Variants in SMCO1 observed in about 807,000 individuals in gnomAD.
The protein encoded by SMCO1 is single-pass membrane protein with coiled-coil domains 1.
A neutral mutation model predicts 7.5 loss-of-function variants in SMCO1; 9 were observed. The observed-to-expected ratio is 1.20, with a 90% confidence interval of 0.72 to 2.09. SMCO1 has a LOEUF of 2.09. SMCO1 is among the 30% of genes most tolerant of loss of function. The pLI, the probability that SMCO1 is intolerant of heterozygous loss-of-function variation, is 0.00. For synonymous variants in SMCO1, 90 were observed against 93.8 expected, an observed-to-expected ratio of 0.96 and a Z score of 0.23; for missense variants, 219 against 253.1, an observed-to-expected ratio of 0.87 and a Z score of 0.91.
chr3:196,516,962 G>A (rs1377300727), upstream of SMCO1, among the ~76,000 whole-genome samples: 1 of 151,918 alleles, frequency 6.6e-6, no homozygotes, highest in Non-Finnish European at 1.5e-5. Context: ...AGCTGGGCAT[G>A]GTGGCACACA....
chr3:196,508,218 A>G lies in SMCO1; in HGVS notation c.314T>C (p.Leu105Ser), dbSNP rs1397448382. The G allele has an allele frequency of 6.2e-6, 10 of 1,614,036 alleles. No individual in the cohort carries two copies. The highest frequency in any genetic ancestry group is 7.6e-6 in the Non-Finnish European group (9 of 1,180,050). ...LPDLVRGLPT[L>S]ASVLRRKVKN... is the part of the protein sequence containing the mutation. ...AACTTTTCTTCTGAGTACAGAGGCT[A>G]AGGTTGGAAGACCTCTCACCAGGTC... The change falls in exon 3 of 3, where the codon TTA becomes TCA. Residue 105 changes from leucine to serine, a missense_variant. By Grantham distance (145) the Leu-to-Ser change is moderately radical. Coordinates refer to ENST00000397537, the MANE Select transcript of SMCO1 (RefSeq NM_001077657.3).
chr3:196,519,756 C>G (rs1733460007), upstream of SMCO1, among the ~76,000 whole-genome samples: 2 of 150,930 alleles, frequency 1.3e-5, no homozygotes, highest in African/African-American at 4.8e-5. Flanking sequence ...GCACACAGAT[C>G]ACACAAGTCT....
At chr3:196,508,416 A>G (rs2108660444) in intron 2 of SMCO1, 85 bp from the exon 3 acceptor site, 1 of 1,125,158 alleles carries the variant, frequency 8.9e-7, no homozygotes, top group Non-Finnish European at 1.2e-6. Flanking sequence ...ATAACTCAAT[A>G]TGAACCCACT....
Position 196,507,952 on chromosome 3 carries a change from C to T in SMCO1, c.580G>A (p.Ala194Thr), listed in dbSNP as rs1273426832. 6.2e-7 allele frequency: 1 copy of T among 1,614,176 alleles called. No homozygotes were observed. Among genetic ancestry groups the T allele is most frequent in the Non-Finnish European group, 8.5e-7 (1 of 1,180,040 alleles). The change falls in exon 3 of 3, where the codon GCA becomes ACA. Residue 194 changes from alanine to threonine, a missense_variant. Transcript: ENST00000397537. Reference sequence around the variant, plus strand: ...TTTTGCTTTTCAGGGGTCCTAACTGCTTTCCCCTTCTCAATTACCTGCACA... The same window carrying T: ...TTTTGCTTTTCAGGGGTCCTAACTGTTTTCCCCTTCTCAATTACCTGCACA... ...RAVQVIEKGK[A>T]VRTPEKQKSS...
At chr3:196,509,369 A>C in intron 2 of SMCO1, 151 bp downstream of exon 2, 1 of 769,316 alleles carries the variant, frequency 1.3e-6, no homozygotes, top group Non-Finnish European at 2.0e-6. Context: ...CGGCCAAATT[A>C]ATCTTTTTTT....
At chr3:196,516,065 A>AAT (rs1352485478), upstream of SMCO1, among the ~76,000 whole-genome samples, 1 of 136,992 alleles carries the variant, frequency 7.3e-6, no homozygotes. Flanking sequence ...AATTATATAT[A>AAT]ATATATAATT....
chr3:196,509,623 C>A lies in SMCO1; in HGVS notation c.97G>T (p.Asp33Tyr). 6.2e-7 allele frequency: 1 copy of A among 1,614,088 alleles called. No individual in the cohort carries two copies. The highest frequency in any genetic ancestry group is 8.5e-7 in the Non-Finnish European group (1 of 1,179,984). ...TGCATCAGGTTATCCTTGGTGAAGT[C>A]TAGTTCTTTGAACTGTGTTTCTAAC... ...QALETQFKEL[D>Y]FTKDNLMQKF... The change falls in exon 2 of 3, where the codon GAC becomes TAC. Residue 33 changes from aspartate to tyrosine, a missense_variant. Asp to Tyr is a radical substitution (Grantham distance 160). Transcript: ENST00000397537.
At chr3:196,515,058 G>A (rs1733350003) in intron 1 of SMCO1, 102 bp downstream of exon 1, 1 of 1,371,064 alleles carries the variant, frequency 7.3e-7, no homozygotes, top group Non-Finnish European at 1.0e-6. Flanking sequence ...GAATTCTAAT[G>A]AGCATGTCTG....
Position 196,509,561 on chromosome 3 carries a change from T to C in SMCO1, c.159A>G (p.Gln53=). ...FEHHSKALAS[Q]AAQDEMWTAV... ...CTGTCCACATCTCATCTTGGGCTGC[T>C]TGGCTTGCCAAAGCCTTACTATGAT... The change falls in exon 2 of 3, where the codon CAA becomes CAG. Residue 53 remains glutamine (Q), a synonymous_variant. Coordinates refer to ENST00000397537, the MANE Select transcript of SMCO1 (RefSeq NM_001077657.3). The C allele has an allele frequency of 6.2e-7, 1 of 1,614,130 alleles. No homozygotes were observed. Among genetic ancestry groups the C allele is most frequent in the Non-Finnish European group, 8.5e-7 (1 of 1,179,994 alleles).
At chr3:196,516,050 CAT>C (rs1733382895), upstream of SMCO1, among the ~76,000 whole-genome samples, 1 of 53,596 alleles carries the variant, frequency 1.9e-5, no homozygotes, top group African/African-American at 1.0e-4. Flanking sequence ...TAAAATTATA[CAT>C]ATAATTATAT....
chr3:196,508,451 G>T, intron 2 of SMCO1, 120 bp from the exon 3 acceptor site: 1 of 721,050 alleles, frequency 1.4e-6, no homozygotes, highest in Non-Finnish European at 2.1e-6. Context: ...TTGTAATTTA[G>T]AAAATATTTA....
upstream of SMCO1, among the ~76,000 whole-genome samples, chr3:196,519,895 A>C (rs1733462165): frequency 6.6e-6 from 1 of 152,118 alleles, no homozygotes. Context: ...GGCACATTTA[A>C]CAAGGTGCCA....
At chr3:196,509,800 C>A in intron 1 of SMCO1, 131 bp from the exon 2 acceptor site, 1 of 705,802 alleles carries the variant, frequency 1.4e-6, no homozygotes, top group Non-Finnish European at 2.2e-6. Flanking sequence ...TTTACTTTTA[C>A]TTTAAACTAT....
rs761570833 is a variant in SMCO1, at chr3:196,508,035, G to C, written c.497C>G (p.Thr166Arg). ...KVRQMYIRDVTFLITNMVKNQ... is the reference protein window; with the variant it reads ...KVRQMYIRDVRFLITNMVKNQ... ...CTTTACCATGTTAGTAATTAGGAAC[G>C]TGACATCCCTGATGTACATCTGCCT... Residue 166 changes from threonine (T) to arginine (R), a missense_variant, in exon 3 of 3, where the codon ACG becomes AGG. Coordinates refer to ENST00000397537, the MANE Select transcript of SMCO1 (RefSeq NM_001077657.3). 2.5e-6 allele frequency: 4 copies of C among 1,614,078 alleles called. No homozygotes were observed. The East Asian group carries it at 6.7e-5, about 27-fold the overall frequency.
intron 1 of SMCO1, among the ~76,000 whole-genome samples, chr3:196,514,276 T>C (rs1334307419): frequency 1.3e-5 from 2 of 152,164 alleles, no homozygotes; most frequent in Non-Finnish European, 2.9e-5. Flanking sequence ...CCATCCTAGT[T>C]ACCAATTACA....
At chr3:196,516,604 A>G (rs7652540), upstream of SMCO1, among the ~76,000 whole-genome samples, 8,556 of 152,266 alleles carry the variant, frequency 0.056, 784 homozygotes, top group African/African-American at 0.19. Context: ...TGAGCATCAT[A>G]GATATTAATT....
rs1733187052 is a variant in SMCO1, at chr3:196,510,394, C to T, written c.51-725G>A. ...AAATTGAGTCTCAAGAGGATTGAGA[C>T]CTAATGTCATAAAGTTAGCTAGTGC... On this transcript the variant is annotated intron_variant, in intron 1 of 2. Transcript: ENST00000397537. Among the ~76,000 whole-genome samples the T allele has an allele frequency of 2.0e-5, 3 of 152,128 alleles. No homozygotes were observed. In the South Asian group the frequency reaches 6.2e-4, roughly 32 times the overall value.
upstream of SMCO1, among the ~76,000 whole-genome samples, chr3:196,517,033 AG>A (rs1329290010): frequency 8.0e-6 from 1 of 124,564 alleles, no homozygotes; most frequent in Non-Finnish European, 1.6e-5. Context: ...CGGGAGGTGG[AG>A]GTTGCAGTGA....
At position 196,511,560 on chromosome 3, in the gene SMCO1, G is replaced by A. The variant is rs59821677; in HGVS notation, c.51-1891C>T. Among the ~76,000 whole-genome samples, 17 of 68,558 alleles carry A rather than the reference G, an allele frequency of 2.5e-4. No individual in the cohort carries two copies. In the South Asian group the frequency reaches 3.2e-3, roughly 13 times the overall value. 45.0% of individuals were successfully genotyped at this position (68,558 alleles called of 152,430 possible). ...TGTCCTTATGAGGGAAACCTGCCTGGGCCACCTAGATTGTCCTTATGAGGG... is the reference window on the plus strand; with the variant it reads ...TGTCCTTATGAGGGAAACCTGCCTGAGCCACCTAGATTGTCCTTATGAGGG... On this transcript the variant is annotated intron_variant, in intron 1 of 2. Transcript: ENST00000397537.
Sources: gnomAD v4.1 joint callset for allele counts (sites outside exome capture counted in the v4.1 genomes callset) on GRCh38, gnomAD v4.1.1 for gene constraint, MANE v1.5 for transcripts, NCBI Gene and HGNC (gene_info 2026-07-23, HGNC 2026-07-21) for gene names.